XPC: variants seen among roughly 807,000 people sequenced by gnomAD.
XPC encodes the protein XPC complex subunit, DNA damage recognition and repair factor.
In XPC, 76 loss-of-function variants were observed where a neutral mutation model predicts 95.8. The observed-to-expected ratio is 0.79, with a 90% CI of 0.66 to 0.96. The LOEUF is 0.96. Among genes scored for constraint, XPC ranks in the 40% least tolerant of loss-of-function variants. The pLI, the probability that XPC is intolerant of heterozygous loss-of-function variation, is 0.00. For synonymous variants in XPC, 442 were observed against 442.1 expected, an observed-to-expected ratio of 1.00 and a Z score of 0.00; for missense variants, 1,146 against 1,179.8, an observed-to-expected ratio of 0.97 and a Z score of 0.42.
chr3:14,146,818 C>T (rs2125006345), intron 15 of XPC, among the ~76,000 whole-genome samples: 1 of 152,320 alleles, frequency 6.6e-6, no homozygotes, highest in East Asian at 1.9e-4. Flanking sequence ...GTCCATCTGC[C>T]CCAGGGAGGG....
Position 14,173,060 on chromosome 3 carries a change from C to T in XPC, c.106G>A (p.Ala36Thr), listed in dbSNP as rs1696679027. Residue 36 changes from alanine to threonine, a missense_variant and splice_region_variant, in exon 2 of 16, where the codon GCC becomes ACC. Physicochemically the swap from Ala to Thr is moderately conservative, Grantham distance 58. Transcript: ENST00000285021. The stretch of plus-strand genomic sequence containing the variant: ...TTTGGGGGTTTCTCATCTTCAAAGG[C>T]ATCTAGGTGACAACACAGAACATAA... Reference protein sequence around the residue: ...KARREEEEEDAFEDEKPPKKS... With the variant: ...KARREEEEEDTFEDEKPPKKS... The T allele has an allele frequency of 6.4e-7, 1 of 1,571,382 alleles. No homozygotes were observed. The highest frequency in any genetic ancestry group is 1.9e-5 in the Admixed American group (1 of 52,600).
chr3:14,156,347 G>A lies in XPC; in HGVS notation c.2021C>T (p.Ala674Val), dbSNP rs894430246. 1.8e-5 allele frequency: 29 copies of A among 1,613,366 alleles called. No homozygotes were observed. Among genetic ancestry groups the A allele is most frequent in the African/African-American group, 8.0e-5 (6 of 74,862 alleles). The change falls in exon 10 of 16, where the codon GCG (alanine) becomes GTG (valine). Residue 674 changes from alanine to valine, a missense_variant. Coordinates refer to ENST00000285021, the MANE Select transcript of XPC (RefSeq NM_004628.5). ...AAILGYCRGE[A>V]VYSRDCVHTL... ...CTGCCTCACGCACCTGGAGTAGACC[G>A]CTTCTCCACGACAATACCCAAGGAT...
In XPC at chr3:14,172,767, C is replaced by T. The variant is rs541484261; in HGVS notation, c.299+100G>A. The T allele has an allele frequency of 6.0e-6, 8 of 1,335,674 alleles. No homozygotes were observed. The African/African-American group carries it at 7.4e-5, about 12-fold the overall frequency. The allele number at this position is 1,335,674 out of a possible 1,614,324, so 82.7% of individuals were successfully genotyped here. A position where few individuals can be genotyped will look rare whatever the true frequency, so the allele number is the denominator to read the frequency against. ...TAGAAGAATTTAAAGATCCAATCTT[C>T]CATGGACCCCAGTGACAAGTAAGAA... On this transcript the variant is annotated intron_variant, in intron 2 of 15. Coordinates refer to ENST00000285021, the MANE Select transcript of XPC (RefSeq NM_004628.5).
intron 6 of XPC, 37 bp downstream of exon 6, chr3:14,165,391 C>T (rs781273638): frequency 1.6e-5 from 25 of 1,542,024 alleles, no homozygotes; most frequent in South Asian, 4.8e-5. Context: ...ACAAATCCTA[C>T]ACTCCCCAGC....
rs369928352 is a variant in XPC at position 14,158,637 on chromosome 3, G to C, written c.1246C>G (p.Arg416Gly). ...ACCCGCCGCTCCCGGCCATGCGGAC[G>C]TCGCTGGGTTGCCTTCTCCTGCTTG... ...GDKQEKATQRRPHGRERRVAS... is the reference protein window; with the variant it reads ...GDKQEKATQRGPHGRERRVAS... Residue 416 changes from arginine (R) to glycine (G), a missense_variant, in exon 9 of 16, where the codon CGT (arginine) becomes GGT (glycine). Transcript: ENST00000285021. The surrounding 1 kb of genome is among the most constrained non-coding windows in gnomAD (Gnocchi z 5.2). 6.2e-7 allele frequency: 1 copy of C among 1,613,890 alleles called. No individual in the cohort carries two copies. The highest frequency in any genetic ancestry group is 2.2e-5 in the East Asian group (1 of 44,836).
chr3:14,159,838 GA>G lies in XPC; in HGVS notation c.901-9del. 1 of 1,550,278 alleles carries G rather than the reference GA, an allele frequency of 6.5e-7. No individual in the cohort carries two copies. Among genetic ancestry groups the G allele is most frequent in the Non-Finnish European group, 8.7e-7 (1 of 1,145,334 alleles). Reference sequence around the variant, plus strand: ...GAGAATCAGTAAGAATATCTATGATGAAAAGGAAGAACATAGTTATCCTAAG... The same window carrying G: ...GAGAATCAGTAAGAATATCTATGATGAAAGGAAGAACATAGTTATCCTAAG... On this transcript the variant is annotated splice_polypyrimidine_tract_variant and intron_variant, in intron 7 of 15. Coordinates refer to ENST00000285021, the MANE Select transcript of XPC (RefSeq NM_004628.5).
chr3:14,174,476 A>G (rs1483111348), intron 1 of XPC, among the ~76,000 whole-genome samples: 9 of 152,196 alleles, frequency 5.9e-5, no homozygotes, highest in Admixed American at 5.9e-4. Flanking sequence ...GGCATCACAA[A>G]CTTTTCTAGT....
chr3:14,176,237 T>C (rs1038699525), intron 1 of XPC, among the ~76,000 whole-genome samples: 7 of 152,174 alleles, frequency 4.6e-5, no homozygotes, highest in Non-Finnish European at 1.0e-4. Context: ...TTCCATCAGA[T>C]TAAAACCGTA....
chr3:14,145,544 G>A lies in XPC; in HGVS notation c.*397C>T, dbSNP rs558589436. 5.9e-4 allele frequency: 412 copies of A among 698,046 alleles called. 7 individuals carry two copies. In the South Asian group the frequency reaches 6.1e-3, roughly 10 times the overall value. The allele number at this position is 698,046 out of a possible 1,614,324, so 43.2% of individuals were successfully genotyped here. A position where few individuals can be genotyped will look rare whatever the true frequency, so the allele number is the denominator to read the frequency against. ...GATGAAGACTCTAACTGGAAGAAACGATCAGCGCATTCACGGATGCACCAC... is the reference window on the plus strand; with the variant it reads ...GATGAAGACTCTAACTGGAAGAAACAATCAGCGCATTCACGGATGCACCAC... On this transcript the variant is annotated 3_prime_UTR_variant, in exon 16 of 16. Coordinates refer to ENST00000285021, the MANE Select transcript of XPC (RefSeq NM_004628.5).
In XPC at chr3:14,158,841, C is replaced by T. The variant is rs1321718873; in HGVS notation, c.1042G>A (p.Glu348Lys). 1 of 1,613,980 alleles carries T rather than the reference C, an allele frequency of 6.2e-7. No homozygotes were observed. The highest frequency in any genetic ancestry group is 1.1e-5 in the South Asian group (1 of 91,084). ...TTTTCTAGAACTTGGCTGGAAGTTT[C>T]TGAGGAGCCTCCTGGATCCGCAGTC... is the stretch of plus-strand genomic sequence containing the variant. ...RLTADPGGSS[E>K]TSSQVLENHT... The change falls in exon 9 of 16, where the codon GAA (glutamate) becomes AAA (lysine). Residue 348 changes from glutamate (E) to lysine (K), a missense_variant. Coordinates refer to ENST00000285021, the MANE Select transcript of XPC (RefSeq NM_004628.5). The surrounding 1 kb of genome is among the most constrained non-coding windows in gnomAD (Gnocchi z 5.2).
At chr3:14,177,131 C>T (rs1192603463) in intron 1 of XPC, among the ~76,000 whole-genome samples, 2 of 152,156 alleles carry the variant, frequency 1.3e-5, no homozygotes, top group African/African-American at 2.4e-5. Context: ...TTTAGCCCTA[C>T]CAATCCACGG....
chr3:14,145,949 G>T lies in XPC; in HGVS notation c.2815C>A (p.Gln939Lys), dbSNP rs2228001. 981,460 of 1,602,772 alleles carry T rather than the reference G, an allele frequency of 0.61. 302,541 individuals carry two copies. Among genetic ancestry groups the T allele is most frequent in the African/African-American group, 0.73 (54,245 of 74,568 alleles). ...AAASHLFPFE[Q>K]L ...TCTAGTGGGCGCTCAGCTCACAGCT[G>T]CTCAAATGGGAACAGGTGGGAAGCT... The change falls in exon 16 of 16, where the codon CAG (glutamine) becomes AAG (lysine). Residue 939 changes from glutamine (Q) to lysine (K), a missense_variant. Transcript: ENST00000285021.
In XPC at chr3:14,147,997, C is replaced by T; in HGVS notation, c.2425G>A (p.Asp809Asn). 6.3e-7 allele frequency: 1 copy of T among 1,582,980 alleles called. No homozygotes were observed. Among genetic ancestry groups the T allele is most frequent in the Non-Finnish European group, 8.6e-7 (1 of 1,163,062 alleles). Residue 809 changes from aspartate to asparagine, a missense_variant, in exon 14 of 16, where the codon GAT becomes AAT. Transcript: ENST00000285021. ...FHGGYSHPVTDGYIVCEEFKD... is the reference protein window; with the variant it reads ...FHGGYSHPVTNGYIVCEEFKD... ...AATTCCTCGCAGACGATGTATCCAT[C>T]AGTCCTGTGGGGACACAACGCGATG...
intron 1 of XPC, among the ~76,000 whole-genome samples, chr3:14,174,217 C>A (rs1414941635): frequency 6.6e-6 from 1 of 151,904 alleles, no homozygotes; most frequent in East Asian, 1.9e-4. Context: ...TGTATGGAAA[C>A]CAAAAAATAA....
Position 14,146,022 on chromosome 3 carries a change from C to A in XPC, c.2742G>T (p.Gln914His). 6.2e-7 allele frequency: 1 copy of A among 1,612,816 alleles called. No homozygotes were observed. The highest frequency in any genetic ancestry group is 1.1e-5 in the South Asian group (1 of 90,964). Residue 914 changes from glutamine (Q) to histidine (H), a missense_variant, in exon 16 of 16, where the codon CAG (glutamine) becomes CAT (histidine). Physicochemically the swap from Gln to His is conservative, Grantham distance 24. Transcript: ENST00000285021. The part of the protein sequence containing the change: ...WPQNREDEEK[Q>H]KLKGGPKKTK... ...TCTTCTTGGGCCCACCCTTCAGCTT[C>A]TGCTTTTCTTCATCTTCTCGGTTTT...
chr3:14,162,352 T>TAC (rs1193648535), intron 7 of XPC, among the ~76,000 whole-genome samples: 1 of 152,220 alleles, frequency 6.6e-6, no homozygotes, highest in Non-Finnish European at 1.5e-5. Context: ...TGAACAGAGT[T>TAC]ACACTGAGGC....
chr3:14,178,264 G>C, intron 1 of XPC: 1 of 591,560 alleles, frequency 1.7e-6, no homozygotes, highest in Non-Finnish European at 2.8e-6. Context: ...GGCGAAGCTC[G>C]CGGGAAACCG....
At chr3:14,157,396 C>T (rs918363718) in intron 9 of XPC, among the ~76,000 whole-genome samples, 1 of 152,124 alleles carries the variant, frequency 6.6e-6, no homozygotes, top group South Asian at 2.1e-4. Context: ...AAGCTCCACC[C>T]ACCACCACCA....
intron 7 of XPC, among the ~76,000 whole-genome samples, chr3:14,162,991 G>T (rs1574967118): frequency 6.6e-6 from 1 of 152,226 alleles, no homozygotes; most frequent in African/African-American, 2.4e-5. Context: ...ATACACAAAT[G>T]ACCAAGAAGC....
Sources: allele counts gnomAD v4.1 joint callset (sites outside exome capture counted in the v4.1 genomes callset), GRCh38; gene constraint gnomAD v4.1.1; non-coding constraint Gnocchi (gnomAD v3.1); transcripts MANE v1.5; gene names NCBI Gene and HGNC (gene_info 2026-07-23, HGNC 2026-07-21).